CKAP2L: variants seen among roughly 807,000 people sequenced by gnomAD.
CKAP2L encodes cytoskeleton-associated protein 2-like.
In CKAP2L, 42 loss-of-function variants were observed where a neutral mutation model predicts 65.7. The ratio of observed to expected loss-of-function variants is 0.64; its 90% confidence interval spans 0.50 to 0.83. The LOEUF (loss-of-function observed/expected upper bound fraction) is 0.83, where lower values mean the gene tolerates loss of function less well. Ranked by LOEUF, CKAP2L falls within the 40% of genes least tolerant of loss-of-function variation. The probability of loss-of-function intolerance (pLI) is 0.00; values close to 1 mark genes in which losing one functional copy is unlikely to be tolerated. For missense variants in CKAP2L, 908 were observed against 871.0 expected (o/e 1.04, Z -0.53); for synonymous variants, 325 against 313.5 (o/e 1.04, Z -0.39).
At chr2:112,741,365 T>C (rs1558753842) in intron 7 of CKAP2L, among the ~76,000 whole-genome samples, 1 of 152,194 alleles carries the variant, frequency 6.6e-6, no homozygotes, top group Non-Finnish European at 1.5e-5. Flanking sequence ...CTTGGATCAA[T>C]TTTCTTGACT....
chr2:112,751,185 T>C (rs1680362221), intron 5 of CKAP2L, among the ~76,000 whole-genome samples: 1 of 152,218 alleles, frequency 6.6e-6, no homozygotes, highest in Admixed American at 6.5e-5. Flanking sequence ...TCATACAAAC[T>C]ATTTTCAGTT....
In CKAP2L at chr2:112,737,870, G is replaced by A. The variant is rs1679427710; in HGVS notation, c.*953C>T. ...TATAATAAATAAGATAAACAAGCAG[G>A]AACTAATAGAAATTTAATGTTGTTT... is the stretch of plus-strand genomic sequence containing the variant. On this transcript the variant is annotated 3_prime_UTR_variant, in exon 9 of 9. Coordinates refer to ENST00000302450, the MANE Select transcript of CKAP2L (RefSeq NM_152515.5). 1 of 152,054 alleles carries A rather than the reference G, an allele frequency of 6.6e-6. No individual in the cohort carries two copies. The highest frequency in any genetic ancestry group is 6.5e-5 in the Admixed American group (1 of 15,274). 9.4% of individuals were successfully genotyped at this position (152,054 alleles called of 1,614,324 possible).
Position 112,740,990 on chromosome 2 carries a change from A to C in CKAP2L, c.1840T>G (p.Leu614Val). ...RTTEGITSDS[L>V]VAETSITSVE... The stretch of plus-strand genomic sequence containing the variant: ...GATGTTATACTAGTTTCAGCAACTA[A>C]AGAGTCAGAAGTAATCCCTGTGTAT... The change falls in exon 8 of 9, where the codon TTA becomes GTA. Residue 614 changes from leucine (L) to valine (V), a missense_variant. Coordinates refer to ENST00000302450, the MANE Select transcript of CKAP2L (RefSeq NM_152515.5). The C allele has an allele frequency of 1.2e-6, 2 of 1,610,818 alleles. No individual in the cohort carries two copies. The highest frequency in any genetic ancestry group is 1.7e-6 in the Non-Finnish European group (2 of 1,177,276).
At chr2:112,743,969 C>G (rs1427305415) in intron 6 of CKAP2L, among the ~76,000 whole-genome samples, 8 of 152,154 alleles carry the variant, frequency 5.3e-5, no homozygotes, top group Admixed American at 5.2e-4. Context: ...ACCTGGAACT[C>G]TGTATCAAAT....
At chr2:112,740,480 C>T (rs572338650) in intron 8 of CKAP2L, among the ~76,000 whole-genome samples, 3 of 152,294 alleles carry the variant, frequency 2.0e-5, no homozygotes, top group Admixed American at 6.5e-5. Context: ...CACTGCTCTC[C>T]GTTCTTAGAG....
intron 8 of CKAP2L, 138 bp from the exon 9 acceptor site, chr2:112,739,186 T>C: frequency 2.9e-6 from 2 of 690,238 alleles, no homozygotes; most frequent in Non-Finnish European, 4.8e-6. Context: ...CTAGAGCAGC[T>C]TTCATCTTCA....
rs1679255952 is a variant in CKAP2L at position 112,736,868 on chromosome 2, C to T, written c.*1955G>A. The stretch of plus-strand genomic sequence containing the variant: ...CATTTAGGTTGTTTCCACATCTTGG[C>T]TATTGAGAATAACACTGCCACAAAC... On this transcript the variant is annotated 3_prime_UTR_variant, in exon 9 of 9. Transcript: ENST00000302450. 1 of 152,086 alleles carries T rather than the reference C, an allele frequency of 6.6e-6. No individual in the cohort carries two copies. Among genetic ancestry groups the T allele is most frequent in the South Asian group, 2.1e-4 (1 of 4,824 alleles). 9.4% of individuals were successfully genotyped at this position (152,086 alleles called of 1,614,324 possible). A position where few individuals can be genotyped will look rare whatever the true frequency, so the allele number is the denominator to read the frequency against.
intron 8 of CKAP2L, among the ~76,000 whole-genome samples, chr2:112,739,599 T>TA (rs1679726201): frequency 6.6e-6 from 1 of 152,222 alleles, no homozygotes; most frequent in Non-Finnish European, 1.5e-5. Flanking sequence ...TGACAAGTTT[T>TA]AAGGAAATGG....
chr2:112,760,865 T>C (rs1188428137), intron 2 of CKAP2L, 101 bp from the exon 3 acceptor site: 3 of 673,810 alleles, frequency 4.5e-6, no homozygotes, highest in African/African-American at 3.9e-5. Context: ...TTTAAATAAT[T>C]AGAATTTCTG....
intron 2 of CKAP2L, 33 bp downstream of exon 2, chr2:112,762,469 CA>C: frequency 1.3e-6 from 2 of 1,585,512 alleles, no homozygotes; most frequent in Non-Finnish European, 1.7e-6. Flanking sequence ...AAGAAGGCAA[CA>C]AAACTTGCGT....
At chr2:112,750,018 A>AATGG (rs1422661909) in intron 5 of CKAP2L, among the ~76,000 whole-genome samples, 1 of 152,114 alleles carries the variant, frequency 6.6e-6, no homozygotes, top group Admixed American at 6.5e-5. Flanking sequence ...AGAAGCACCA[A>AATGG]ATGGATAGCA....
At position 112,738,918 on chromosome 2, in the gene CKAP2L, C is replaced by T. The variant is rs764190369; in HGVS notation, c.2143G>A (p.Asp715Asn). Residue 715 changes from aspartate to asparagine, a missense_variant, in exon 9 of 9, where the codon GAT becomes AAT. Asp to Asn is a conservative substitution (Grantham distance 23). Coordinates refer to ENST00000302450, the MANE Select transcript of CKAP2L (RefSeq NM_152515.5). Reference sequence around the variant, plus strand: ...GTTTCTTCCACTTCTAACAGTTCATCAAGAGAAGCCACTACTAAATCGTGT... The same window carrying T: ...GTTTCTTCCACTTCTAACAGTTCATTAAGAGAAGCCACTACTAAATCGTGT... The part of the protein sequence containing the change: ...QEHDLVVASL[D>N]ELLEVEETKC... 4.3e-6 allele frequency: 7 copies of T among 1,614,128 alleles called. No homozygotes were observed. Among genetic ancestry groups the T allele is most frequent in the Non-Finnish European group, 5.9e-6 (7 of 1,179,992 alleles).
At position 112,737,340 on chromosome 2, in the gene CKAP2L, CACAA is replaced by C. The variant is rs899616213; in HGVS notation, c.*1479_*1482del. The C allele has an allele frequency of 3.3e-5, 5 of 152,200 alleles. No homozygotes were observed. Among genetic ancestry groups the C allele is most frequent in the African/African-American group, 7.2e-5 (3 of 41,448 alleles). The allele number at this position is 152,200 out of a possible 1,614,324, so 9.4% of individuals were successfully genotyped here. A position where few individuals can be genotyped will look rare whatever the true frequency, so the allele number is the denominator to read the frequency against. ...TAACGGCTGCCCCAGTCTACACGCC[CACAA>C]ACAGTGTACTAGGGTTCTCTTTTCT... is the stretch of plus-strand genomic sequence containing the variant. On this transcript the variant is annotated 3_prime_UTR_variant, in exon 9 of 9. Coordinates refer to ENST00000302450, the MANE Select transcript of CKAP2L (RefSeq NM_152515.5).
At position 112,736,416 on chromosome 2, in the gene CKAP2L, AGAT is replaced by A. The variant is rs1679178653; in HGVS notation, c.*2404_*2406del. Among the ~76,000 whole-genome samples the A allele has an allele frequency of 6.6e-6, 1 of 152,162 alleles. No homozygotes were observed. Among genetic ancestry groups the A allele is most frequent in the Non-Finnish European group, 1.5e-5 (1 of 68,046 alleles). The stretch of plus-strand genomic sequence containing the variant: ...CAACATGATGTTATGGGATACATAT[AGAT>A]AATAAAATGGCTGCTATAGTGAAGC... On this transcript the variant is annotated 3_prime_UTR_variant, in exon 9 of 9. Transcript: ENST00000302450.
intron 3 of CKAP2L, among the ~76,000 whole-genome samples, chr2:112,760,472 T>C (rs530394667): frequency 1.3e-5 from 2 of 152,350 alleles, no homozygotes; most frequent in Admixed American, 6.5e-5. Flanking sequence ...ATTCAATAAA[T>C]GTTAGCTATC....
Position 112,748,344 on chromosome 2 carries a change from A to G in CKAP2L, c.1603-1769T>C, listed in dbSNP as rs79924506. ...ATCAGACTGACGTGAGACATTAACAAATCAACAACTCCAGATGCAAGAAAG... is the reference window on the plus strand; with the variant it reads ...ATCAGACTGACGTGAGACATTAACAGATCAACAACTCCAGATGCAAGAAAG... On this transcript the variant is annotated intron_variant, in intron 5 of 8. Transcript: ENST00000302450. Among the ~76,000 whole-genome samples the G allele has an allele frequency of 6.6e-3, 998 of 152,336 alleles. 10 individuals carry two copies. Among genetic ancestry groups the G allele is most frequent in the African/African-American group, 0.023 (947 of 41,572 alleles).
chr2:112,745,098 G>C (rs1245781966), intron 6 of CKAP2L, among the ~76,000 whole-genome samples: 1 of 152,186 alleles, frequency 6.6e-6, no homozygotes, highest in Non-Finnish European at 1.5e-5. Context: ...CAGAAAGACA[G>C]CTGGTGAAGA....
At chr2:112,760,899 A>G (rs1680698258) in intron 2 of CKAP2L, 135 bp from the exon 3 acceptor site, 2 of 599,868 alleles carry the variant, frequency 3.3e-6, no homozygotes, top group East Asian at 3.4e-5. Context: ...ATTCAAAATT[A>G]TATTTAATAA....
At chr2:112,739,948 G>GC (rs1405844243) in intron 8 of CKAP2L, among the ~76,000 whole-genome samples, 1 of 151,984 alleles carries the variant, frequency 6.6e-6, no homozygotes, top group African/African-American at 2.4e-5. Flanking sequence ...GCCACCATGT[G>GC]CCCAGCCTTT....
Sources: allele counts gnomAD v4.1 joint callset (sites outside exome capture counted in the v4.1 genomes callset), GRCh38; gene constraint gnomAD v4.1.1; transcripts MANE v1.5; gene names NCBI Gene and HGNC (gene_info 2026-07-23, HGNC 2026-07-21).